RORA: variants seen among roughly 807,000 people sequenced by gnomAD.
RORA encodes the protein nuclear receptor ROR-alpha.
A neutral mutation model predicts 69.5 loss-of-function variants in RORA; 7 were observed. The observed-to-expected ratio is 0.10, with a 90% CI of 0.06 to 0.19. RORA has a LOEUF of 0.19. Among genes scored for constraint, RORA ranks in the 10% least tolerant of loss-of-function variants. The pLI is 1.00. For synonymous variants in RORA, 261 were observed against 240.8 expected (o/e 1.08, Z -0.78); for missense variants, 457 against 663.0 (o/e 0.69, Z 3.41).
At chr15:60,563,921 A>T (rs1231621173) in intron 2 of RORA, among the ~76,000 whole-genome samples, 1 of 152,110 alleles carries the variant, frequency 6.6e-6, no homozygotes, top group Non-Finnish European at 1.5e-5. Flanking sequence ...GTTGTATGAA[A>T]CATCCCCATA....
intron 1 of RORA, among the ~76,000 whole-genome samples, chr15:61,110,393 C>CA (rs11343941): frequency 0.018 from 2,062 of 113,634 alleles, 46 homozygotes; most frequent in African/African-American, 0.063. Flanking sequence ...GACTCAGTCT[C>CA]AAAAAAAAAA....
chr15:61,066,678 T>C (rs988072276), intron 1 of RORA, among the ~76,000 whole-genome samples: 1 of 151,884 alleles, frequency 6.6e-6, no homozygotes, highest in Non-Finnish European at 1.5e-5. Flanking sequence ...TCCACCCACC[T>C]TGGCCTCCCA....
At chr15:60,566,450 T>G (rs1462893129) in intron 2 of RORA, among the ~76,000 whole-genome samples, 1 of 152,214 alleles carries the variant, frequency 6.6e-6, no homozygotes, top group Non-Finnish European at 1.5e-5. Context: ...GCCTTGTTAA[T>G]TAATCACAGT....
chr15:61,227,982 C>A (rs1271446973), intron 1 of RORA, among the ~76,000 whole-genome samples: 1 of 152,176 alleles, frequency 6.6e-6, no homozygotes, highest in African/African-American at 2.4e-5. Context: ...CTTTCCTCAA[C>A]AGCTCACTTT....
rs2065040024 is a variant in RORA at position 60,491,477 on chromosome 15, T to C, written c.*5978A>G. On this transcript the variant is annotated 3_prime_UTR_variant, in exon 11 of 11. Transcript: ENST00000335670. ...AAAATATTCATATTCACTTTCTCAA[T>C]ATAAGACTCCATGTTATGTTGCATC... 1 of 152,124 alleles carries C rather than the reference T, an allele frequency of 6.6e-6. No individual in the cohort carries two copies. The highest frequency in any genetic ancestry group is 1.5e-5 in the Non-Finnish European group (1 of 68,006). 9.4% of individuals were successfully genotyped at this position (152,124 alleles called of 1,614,324 possible).
intron 1 of RORA, among the ~76,000 whole-genome samples, chr15:60,881,454 AT>A (rs2073679535): frequency 1.3e-5 from 2 of 152,346 alleles, no homozygotes; most frequent in South Asian, 4.1e-4. Flanking sequence ...ATGAAACACC[AT>A]TTTACCATGA....
chr15:60,788,349 TG>T (rs1394163760), intron 1 of RORA, among the ~76,000 whole-genome samples: 5 of 151,886 alleles, frequency 3.3e-5, no homozygotes, highest in African/African-American at 1.2e-4. Flanking sequence ...TCATGGCTGG[TG>T]GGGTGGGGAA....
intron 1 of RORA, among the ~76,000 whole-genome samples, chr15:61,139,571 G>T (rs1174738581): frequency 6.6e-6 from 1 of 152,300 alleles, no homozygotes; most frequent in Admixed American, 6.5e-5. Flanking sequence ...ACCTAAACTG[G>T]CAGTCCAACA....
intron 1 of RORA, among the ~76,000 whole-genome samples, chr15:60,958,752 C>A (rs1422866101): frequency 6.6e-6 from 1 of 152,168 alleles, no homozygotes; most frequent in Non-Finnish European, 1.5e-5. Context: ...AGAAAATCTA[C>A]CATCCACAAA....
intron 2 of RORA, among the ~76,000 whole-genome samples, chr15:60,613,175 T>A (rs2069139167): frequency 6.6e-6 from 1 of 152,138 alleles, no homozygotes. Context: ...GAGTAATAGG[T>A]CTCCTGTATA....
At chr15:60,513,073 C>T (rs1044951135) in intron 4 of RORA, among the ~76,000 whole-genome samples, 2 of 152,176 alleles carry the variant, frequency 1.3e-5, no homozygotes, top group Non-Finnish European at 2.9e-5. Flanking sequence ...AGTTGGGAAC[C>T]AAGGCCCTCA....
intron 3 of RORA, among the ~76,000 whole-genome samples, chr15:60,515,948 TTTATATATTTATATTTA>T (rs2065865222): frequency 3.3e-4 from 4 of 12,002 alleles, no homozygotes; most frequent in Admixed American, 1.3e-3. Context: ...TTTATATATA[TTTATATATTTATATTTA>T]TATATATTTA....
chr15:60,534,441 A>C lies in RORA; in HGVS notation c.197-2590T>G, dbSNP rs1369400525. ...ACAGTCACGAGATCTGTGGAGGCCA[A>C]GACGCTTAGGATAAATGGACTCACT... On this transcript the variant is annotated intron_variant, in intron 2 of 10. Transcript: ENST00000335670. This position sits in a 1 kb window ranked among gnomAD's most constrained non-coding sequence, Gnocchi z 5.0. Among the ~76,000 whole-genome samples, 1 of 152,158 alleles carries C rather than the reference A, an allele frequency of 6.6e-6. No individual in the cohort carries two copies. Among genetic ancestry groups the C allele is most frequent in the Admixed American group, 6.5e-5 (1 of 15,274 alleles).
At chr15:60,960,642 C>CTT (rs1227628217) in intron 1 of RORA, among the ~76,000 whole-genome samples, 6 of 138,928 alleles carry the variant, frequency 4.3e-5, no homozygotes, top group Non-Finnish European at 3.2e-5. Flanking sequence ...GCACACAAAT[C>CTT]TTTTTTTTTT....
At chr15:61,030,921 A>G (rs957673609) in intron 1 of RORA, among the ~76,000 whole-genome samples, 1 of 152,202 alleles carries the variant, frequency 6.6e-6, no homozygotes, top group African/African-American at 2.4e-5. Context: ...CAGTTTATGT[A>G]TATGTATATG....
chr15:60,543,305 G>A (rs1241024938), intron 2 of RORA, among the ~76,000 whole-genome samples: 1 of 149,948 alleles, frequency 6.7e-6, no homozygotes, highest in Admixed American at 6.7e-5. Flanking sequence ...TCTCTACCCT[G>A]ACATTTGTTA....
At chr15:60,989,766 T>TTATATATA (rs1894317212) in intron 1 of RORA, among the ~76,000 whole-genome samples, 1 of 152,144 alleles carries the variant, frequency 6.6e-6, no homozygotes, top group Non-Finnish European at 1.5e-5. Context: ...TACTTAGAAC[T>TTATATATA]TCTCTGGCTA....
intron 1 of RORA, among the ~76,000 whole-genome samples, chr15:61,205,211 G>C (rs1201559320): frequency 1.3e-5 from 2 of 152,206 alleles, no homozygotes; most frequent in Non-Finnish European, 2.9e-5. Flanking sequence ...CACAGAGCCT[G>C]GCTGAATAAA....
intron 1 of RORA, among the ~76,000 whole-genome samples, chr15:61,089,106 C>T (rs1433706343): frequency 2.0e-5 from 3 of 152,160 alleles, no homozygotes; most frequent in Non-Finnish European, 4.4e-5. Flanking sequence ...ATACCAGGAG[C>T]CATACAACAC....
Sources: allele counts gnomAD v4.1 joint callset (sites outside exome capture counted in the v4.1 genomes callset), GRCh38; gene constraint gnomAD v4.1.1; non-coding constraint Gnocchi (gnomAD v3.1); transcripts MANE v1.5; gene names NCBI Gene and HGNC (gene_info 2026-07-23, HGNC 2026-07-21).